The following TMEM229B variants were observed in gnomAD, a reference collection of about 807,000 sequenced individuals.
The protein encoded by TMEM229B is transmembrane protein 229B, also known as chromosome 14 open reading frame 83.
Under a neutral mutation model 13.7 loss-of-function variants are expected in TMEM229B, and 6 were observed. That is an observed-to-expected ratio of 0.44 (90% confidence interval 0.24 to 0.86). The LOEUF (loss-of-function observed/expected upper bound fraction) is 0.86, where lower values mean the gene tolerates loss of function less well. Ranked by LOEUF, TMEM229B falls within the 40% of genes least tolerant of loss-of-function variation. The pLI is 0.23. For missense variants in TMEM229B, 170 were observed against 236.0 expected, an observed-to-expected ratio of 0.72 and a Z score of 1.83; for synonymous variants, 107 against 102.1, an observed-to-expected ratio of 1.05 and a Z score of -0.29.
rs146774882 is a variant in TMEM229B, at chr14:67,473,638, G to T, written c.286C>A (p.Arg96Ser). The T allele has an allele frequency of 4.4e-6, 7 of 1,582,196 alleles. No individual in the cohort carries two copies. The highest frequency in any genetic ancestry group is 2.3e-5 in the East Asian group (1 of 43,340). Residue 96 changes from arginine (R) to serine (S), a missense_variant, in exon 3 of 3, where the codon CGC becomes AGC. Physicochemically the swap from Arg to Ser is moderately radical, Grantham distance 110 (BLOSUM62 -1). Coordinates refer to ENST00000554480, the MANE Select transcript of TMEM229B (RefSeq NM_001348543.2). The surrounding 1 kb of genome is among the most constrained non-coding windows in gnomAD (Gnocchi z 6.5). ...LWEFTTGFIL[R>S]QFNACPWDYS... is the part of the protein sequence containing the mutation. ...TCCCAGGGGCAGGCGTTGAACTGGC[G>T]CAGGATGAAGCCGGTGGTGAACTCC...
chr14:67,490,624 T>C (rs919820321), upstream of TMEM229B, among the ~76,000 whole-genome samples: 1 of 152,146 alleles, frequency 6.6e-6, no homozygotes. Context: ...TATAACTATT[T>C]AAGGTAAGCT....
At chr14:67,518,458 A>G (rs189392541), upstream of TMEM229B, among the ~76,000 whole-genome samples, 90 of 152,332 alleles carry the variant, frequency 5.9e-4, no homozygotes, top group African/African-American at 2.1e-3. Context: ...TATAATACAC[A>G]GGTAATAAGT....
chr14:67,483,380 T>C (rs79670778), intron 2 of TMEM229B, among the ~76,000 whole-genome samples: 7,203 of 152,224 alleles, frequency 0.047, 212 homozygotes, highest in East Asian at 0.098. Context: ...TTCCAGAGTC[T>C]TTGCTCCTAA....
upstream of TMEM229B, among the ~76,000 whole-genome samples, chr14:67,489,931 A>G (rs988089089): frequency 2.6e-5 from 4 of 151,860 alleles, no homozygotes; most frequent in Admixed American, 2.0e-4. Context: ...CAGAGCTTGC[A>G]GTGATCTGAG....
intron 2 of TMEM229B, among the ~76,000 whole-genome samples, chr14:67,484,347 A>C (rs1358295157): frequency 6.6e-6 from 1 of 152,214 alleles, no homozygotes; most frequent in Admixed American, 6.5e-5. Context: ...CAGGCCCTTA[A>C]ACACTGATGA....
chr14:67,473,795 C>G lies in TMEM229B; in HGVS notation c.129G>C (p.Gly43=), dbSNP rs1324370271. 3 of 1,613,954 alleles carry G rather than the reference C, an allele frequency of 1.9e-6. No individual in the cohort carries two copies. The highest frequency in any genetic ancestry group is 1.3e-5 in the African/African-American group (1 of 75,064). ...FVVNLNWKFP[G]VTSVWALFIY... ...TGAAGAGGGCCCACACGCTCGTGAC[C>G]CCAGGGAACTTCCAGTTCAAGTTCA... The change falls in exon 3 of 3, where the codon GGG becomes GGC. Residue 43 remains glycine (G), a synonymous_variant. Transcript: ENST00000554480. This position sits in a 1 kb window ranked among gnomAD's most constrained non-coding sequence, Gnocchi z 6.5.
chr14:67,478,741 C>A (rs774228806), intron 2 of TMEM229B, among the ~76,000 whole-genome samples: 1 of 152,146 alleles, frequency 6.6e-6, no homozygotes. Flanking sequence ...CTTTAAGACC[C>A]AGCTCCTCCT....
Sources: allele counts gnomAD v4.1 joint callset (sites outside exome capture counted in the v4.1 genomes callset), GRCh38; gene constraint gnomAD v4.1.1; non-coding constraint Gnocchi (gnomAD v3.1); transcripts MANE v1.5; gene names NCBI Gene and HGNC (gene_info 2026-07-23, HGNC 2026-07-21).